The following CCSER2 variants were observed in gnomAD, a reference collection of about 807,000 sequenced individuals.
CCSER2 encodes the protein serine-rich coiled-coil domain-containing protein 2.
Under a neutral mutation model 92.3 loss-of-function variants are expected in CCSER2, and 46 were observed. The observed-to-expected ratio is 0.50, with a 90% CI of 0.39 to 0.64. The LOEUF is 0.64. CCSER2 is among the 30% of genes least tolerant of loss of function. CCSER2 has a pLI of 0.00. For synonymous variants in CCSER2, 433 were observed against 431.4 expected, an observed-to-expected ratio of 1.00 and a Z score of -0.04; for missense variants, 1,244 against 1,238.9, an observed-to-expected ratio of 1.00 and a Z score of -0.06.
intron 6 of CCSER2, among the ~76,000 whole-genome samples, chr10:84,454,115 T>C (rs182394249): frequency 6.6e-6 from 1 of 152,146 alleles, no homozygotes; most frequent in Non-Finnish European, 1.5e-5. Flanking sequence ...CATCAGGGCT[T>C]TTCTCTGTCT....
At chr10:84,337,301 C>T (rs574662742) in intron 1 of CCSER2, among the ~76,000 whole-genome samples, 3 of 152,168 alleles carry the variant, frequency 2.0e-5, no homozygotes, top group Admixed American at 6.5e-5. Context: ...ACCAAGAAGC[C>T]GCACGCCTAT....
chr10:84,440,347 C>T (rs1304404268), intron 6 of CCSER2, among the ~76,000 whole-genome samples: 1 of 152,040 alleles, frequency 6.6e-6, no homozygotes, highest in Non-Finnish European at 1.5e-5. Context: ...TTTAAAGTTT[C>T]CCAAATGCTA....
intron 3 of CCSER2, among the ~76,000 whole-genome samples, chr10:84,379,639 G>A (rs4244953): frequency 0.85 from 129,744 of 152,106 alleles, 55,405 homozygotes; most frequent in East Asian, 0.9. Context: ...TTTTAAAATT[G>A]TGAATTCTAA....
intron 9 of CCSER2, among the ~76,000 whole-genome samples, chr10:84,512,601 T>G (rs186849334): frequency 1.3e-5 from 2 of 152,302 alleles, no homozygotes; most frequent in Admixed American, 1.3e-4. Flanking sequence ...AACTACACAA[T>G]GAGCTTCAGG....
At chr10:84,429,830 G>A (rs1843665308) in intron 5 of CCSER2, among the ~76,000 whole-genome samples, 2 of 150,856 alleles carry the variant, frequency 1.3e-5, no homozygotes, top group African/African-American at 2.4e-5. Flanking sequence ...ACTTAACTAC[G>A]GGAATGTATG....
chr10:84,455,722 CCT>C, intron 6 of CCSER2: 5 of 831,290 alleles, frequency 6.0e-6, no homozygotes, highest in Non-Finnish European at 8.4e-6. Flanking sequence ...GATCAAATGA[CCT>C]CTCTGTAAAA....
intron 6 of CCSER2, among the ~76,000 whole-genome samples, chr10:84,448,991 G>A (rs761946163): frequency 4.6e-5 from 7 of 152,294 alleles, no homozygotes; most frequent in Admixed American, 2.0e-4. Flanking sequence ...TCTGTTGATA[G>A]ACATTCAGGT....
chr10:84,395,772 T>C (rs1304044812), intron 3 of CCSER2, among the ~76,000 whole-genome samples: 2 of 152,186 alleles, frequency 1.3e-5, no homozygotes, highest in African/African-American at 4.8e-5. Context: ...ATTTCAGCCG[T>C]AGCTGAATAA....
At chr10:84,372,849 G>A (rs1337947636) in intron 2 of CCSER2, among the ~76,000 whole-genome samples, 1 of 152,078 alleles carries the variant, frequency 6.6e-6, no homozygotes, top group African/African-American at 2.4e-5. Context: ...TAAGAGTAAA[G>A]CTGTACCAAA....
At chr10:84,455,041 C>T (rs1412143857) in intron 6 of CCSER2, among the ~76,000 whole-genome samples, 2 of 152,178 alleles carry the variant, frequency 1.3e-5, no homozygotes, top group East Asian at 3.9e-4. Flanking sequence ...TTCCCCTGCA[C>T]ATGCTCTCTT....
intron 3 of CCSER2, among the ~76,000 whole-genome samples, chr10:84,375,889 A>C (rs1436370850): frequency 2.0e-5 from 3 of 147,726 alleles, no homozygotes; most frequent in African/African-American, 7.5e-5. Context: ...ACAGTGGTTC[A>C]AAGTAGTATC....
Position 84,408,778 on chromosome 10 carries a change from C to T in CCSER2, c.1615-8993C>T, listed in dbSNP as rs117101971. Among the ~76,000 whole-genome samples the T allele has an allele frequency of 1.3e-3, 200 of 152,206 alleles. 2 individuals are homozygous for T. The East Asian group carries it at 0.037, about 28-fold the overall frequency. Reference sequence around the variant, plus strand: ...ATTGCTTTGGATTCTTTGCCGTGGCCTTAATTGTCAGATCTGGCCCAGGGT... The same window carrying T: ...ATTGCTTTGGATTCTTTGCCGTGGCTTTAATTGTCAGATCTGGCCCAGGGT... On this transcript the variant is annotated intron_variant, in intron 3 of 9. Transcript: ENST00000372088.
intron 6 of CCSER2, among the ~76,000 whole-genome samples, chr10:84,457,353 A>ATAT (rs1845777501): frequency 1.5e-5 from 1 of 65,498 alleles, no homozygotes; most frequent in African/African-American, 4.9e-5. Flanking sequence ...TATATATAAT[A>ATAT]TATATATTTA....
intron 5 of CCSER2, 124 bp downstream of exon 5, chr10:84,426,017 A>G: frequency 3.7e-6 from 2 of 545,626 alleles, no homozygotes; most frequent in South Asian, 4.9e-5. Context: ...ACCAAAAAGC[A>G]CTTCAAGTTT....
At chr10:84,409,459 A>T (rs551723822) in intron 3 of CCSER2, among the ~76,000 whole-genome samples, 22 of 152,220 alleles carry the variant, frequency 1.4e-4, no homozygotes, top group Non-Finnish European at 2.6e-4. Flanking sequence ...ATATTTCTAA[A>T]AGTTAATCTG....
intron 9 of CCSER2, chr10:84,507,211 C>G (rs946755758): frequency 1.9e-6 from 1 of 539,720 alleles, no homozygotes; most frequent in African/African-American, 2.1e-5. Flanking sequence ...CCAGTCATGG[C>G]AATCCTTGGT....
intron 6 of CCSER2, among the ~76,000 whole-genome samples, chr10:84,459,528 T>G (rs1044262901): frequency 7.2e-5 from 11 of 151,946 alleles, no homozygotes; most frequent in Non-Finnish European, 1.3e-4. Context: ...GGTTTGGTTT[T>G]GGGGGGGAAT....
At chr10:84,352,651 G>T (rs1471086792) in intron 1 of CCSER2, among the ~76,000 whole-genome samples, 1 of 151,924 alleles carries the variant, frequency 6.6e-6, no homozygotes, top group Non-Finnish European at 1.5e-5. Context: ...CCACTGACAG[G>T]TTCAGTGGTC....
At chr10:84,444,037 C>G (rs554153489) in intron 6 of CCSER2, among the ~76,000 whole-genome samples, 1 of 151,944 alleles carries the variant, frequency 6.6e-6, no homozygotes, top group Admixed American at 6.6e-5. Flanking sequence ...AAATACCTAA[C>G]GTAGATGACA....
Sources: gnomAD v4.1 joint callset for allele counts (sites outside exome capture counted in the v4.1 genomes callset) on GRCh38, gnomAD v4.1.1 for gene constraint, MANE v1.5 for transcripts, NCBI Gene and HGNC (gene_info 2026-07-23, HGNC 2026-07-21) for gene names.